SNTG1: variants seen among roughly 807,000 people sequenced by gnomAD.
SNTG1 encodes the protein syntrophin gamma 1, also known as gamma-1-syntrophin.
Under a neutral mutation model 74.7 loss-of-function variants are expected in SNTG1, and 39 were observed. The observed-to-expected ratio is 0.52, with a 90% confidence interval of 0.40 to 0.68. The LOEUF is 0.68. Ranked by LOEUF, SNTG1 falls within the 30% of genes least tolerant of loss-of-function variation. The pLI is 0.00. For synonymous variants in SNTG1, 254 were observed against 217.1 expected (o/e 1.17, Z -1.49); for missense variants, 685 against 609.5 (o/e 1.12, Z -1.30).
intron 17 of SNTG1, among the ~76,000 whole-genome samples, chr8:50,722,704 A>G (rs565058193): frequency 3.0e-4 from 46 of 152,184 alleles, no homozygotes; most frequent in Non-Finnish European, 5.3e-4. Flanking sequence ...ACAGTCTTCA[A>G]TGATTCTGTT....
At chr8:50,325,886 C>A (rs2090725014) in intron 2 of SNTG1, among the ~76,000 whole-genome samples, 1 of 151,998 alleles carries the variant, frequency 6.6e-6, no homozygotes, top group African/African-American at 2.4e-5. Flanking sequence ...TGTTCTTTTT[C>A]AAGTTCAGGA....
intron 1 of SNTG1, among the ~76,000 whole-genome samples, chr8:50,149,925 G>T (rs1400302085): frequency 1.1e-4 from 17 of 152,050 alleles, no homozygotes; most frequent in Non-Finnish European, 2.1e-4. Context: ...TTCCAATTCT[G>T]TGAAGAAAGT....
At position 50,338,945 on chromosome 8, in the gene SNTG1, CA is replaced by C. The variant is rs1341885688; in HGVS notation, c.-27-55264del. Reference sequence around the variant, plus strand: ...TCAGATACTGGAATTTCAGAGAAATCAAACAGAATATACAGAAACTAAAAGC... The same window carrying C: ...TCAGATACTGGAATTTCAGAGAAATCAACAGAATATACAGAAACTAAAAGC... On this transcript the variant is annotated intron_variant, in intron 2 of 18. Transcript: ENST00000642720. 3.9e-5 allele frequency among the ~76,000 whole-genome samples: 6 copies of C among 151,998 alleles called. No individual in the cohort carries two copies. In the East Asian group the frequency reaches 1.2e-3, roughly 29 times the overall value.
intron 9 of SNTG1, among the ~76,000 whole-genome samples, chr8:50,528,709 C>G (rs904623746): frequency 6.6e-6 from 1 of 151,364 alleles, no homozygotes; most frequent in Non-Finnish European, 1.5e-5. Context: ...TTATCATGAC[C>G]GCTCATCATT....
chr8:50,405,608 C>A (rs1587499548), intron 4 of SNTG1, among the ~76,000 whole-genome samples: 1 of 151,952 alleles, frequency 6.6e-6, no homozygotes, highest in Non-Finnish European at 1.5e-5. Context: ...TGCCTTTTTA[C>A]TCTATTAGTA....
At position 50,103,467 on chromosome 8, in the gene SNTG1, T is replaced by C. The variant is rs962078553; in HGVS notation, c.-102-69094T>C. On this transcript the variant is annotated intron_variant, in intron 1 of 18. Transcript: ENST00000642720. The stretch of plus-strand genomic sequence containing the variant: ...AGCTTAAGGAGATTTTGGGCTGAGA[T>C]GATGGGGTTTTCTAGATATACAATC... 9.0e-4 allele frequency among the ~76,000 whole-genome samples: 137 copies of C among 151,984 alleles called. 2 individuals carry two copies. Among genetic ancestry groups the C allele is most frequent in the African/African-American group, 3.2e-3 (131 of 41,476 alleles).
intron 17 of SNTG1, among the ~76,000 whole-genome samples, chr8:50,738,427 A>T (rs1480147066): frequency 6.6e-6 from 1 of 152,190 alleles, no homozygotes; most frequent in African/African-American, 2.4e-5. Context: ...AACAAATGGA[A>T]AAACATCCAT....
intron 17 of SNTG1, among the ~76,000 whole-genome samples, chr8:50,718,026 T>C (rs574540833): frequency 1.3e-5 from 2 of 152,292 alleles, no homozygotes; most frequent in South Asian, 4.1e-4. Flanking sequence ...TCTGTCCTTT[T>C]AGCCCAATGA....
At chr8:50,589,569 G>A (rs2094678221) in intron 12 of SNTG1, among the ~76,000 whole-genome samples, 1 of 148,426 alleles carries the variant, frequency 6.7e-6, no homozygotes, top group African/African-American at 2.6e-5. Flanking sequence ...CTAGAAAGAT[G>A]GTTCAGACTA....
intron 15 of SNTG1, among the ~76,000 whole-genome samples, chr8:50,677,923 C>G (rs1310141698): frequency 6.6e-6 from 1 of 151,550 alleles, no homozygotes; most frequent in Non-Finnish European, 1.5e-5. Context: ...TAATATTGTT[C>G]TTAATGAGAA....
intron 1 of SNTG1, among the ~76,000 whole-genome samples, chr8:49,978,165 T>C (rs1421016041): frequency 1.3e-5 from 2 of 152,004 alleles, no homozygotes; most frequent in East Asian, 1.9e-4. Flanking sequence ...AAAGAGATGC[T>C]GGGATATGAA....
chr8:50,075,498 T>G (rs1448008526), intron 1 of SNTG1, among the ~76,000 whole-genome samples: 1 of 152,178 alleles, frequency 6.6e-6, no homozygotes, highest in Non-Finnish European at 1.5e-5. Flanking sequence ...AACGCATTAA[T>G]CAGCACCCCG....
At chr8:50,718,722 G>A (rs1431532173) in intron 17 of SNTG1, among the ~76,000 whole-genome samples, 1 of 152,192 alleles carries the variant, frequency 6.6e-6, no homozygotes, top group Non-Finnish European at 1.5e-5. Context: ...GGGCAGATCA[G>A]CCCGGTCCAT....
At chr8:50,560,303 A>T (rs1385860259) in intron 12 of SNTG1, among the ~76,000 whole-genome samples, 3 of 152,182 alleles carry the variant, frequency 2.0e-5, no homozygotes, top group African/African-American at 7.2e-5. Context: ...TGTGGAAGAG[A>T]GTGTGGTGAT....
chr8:50,606,251 G>T (rs1334876185), intron 13 of SNTG1, among the ~76,000 whole-genome samples: 1 of 152,084 alleles, frequency 6.6e-6, no homozygotes. Context: ...ATTTAGGAAA[G>T]TTGACATATT....
At chr8:50,392,661 T>C in intron 2 of SNTG1, among the ~76,000 whole-genome samples, 1 of 152,176 alleles carries the variant, frequency 6.6e-6, no homozygotes. Flanking sequence ...TCTTTGTGCT[T>C]ATATATGAAT....
chr8:50,217,605 G>A (rs889863885), intron 2 of SNTG1, among the ~76,000 whole-genome samples: 3 of 150,550 alleles, frequency 2.0e-5, no homozygotes, highest in African/African-American at 7.5e-5. Flanking sequence ...ACAGGATCTA[G>A]AATCAACTTA....
At chr8:50,759,526 T>G (rs1332342774) in intron 18 of SNTG1, among the ~76,000 whole-genome samples, 1 of 152,110 alleles carries the variant, frequency 6.6e-6, no homozygotes, top group Non-Finnish European at 1.5e-5. Flanking sequence ...TTTCTGCATA[T>G]GGCTAGCCAG....
intron 1 of SNTG1, among the ~76,000 whole-genome samples, chr8:49,993,140 C>T (rs1813846698): frequency 6.6e-6 from 1 of 151,996 alleles, no homozygotes; most frequent in South Asian, 2.1e-4. Context: ...GGGTTTTATT[C>T]ACCCAAAAGG....
Sources: allele counts gnomAD v4.1 joint callset (sites outside exome capture counted in the v4.1 genomes callset), GRCh38; gene constraint gnomAD v4.1.1; transcripts MANE v1.5; gene names NCBI Gene and HGNC (gene_info 2026-07-23, HGNC 2026-07-21).